Variants in FOXP1 observed in about 807,000 individuals in gnomAD.
FOXP1 encodes the protein forkhead box P1.
FOXP1 carries 15 observed loss-of-function variants against 98.2 expected under a neutral mutation model. That is an observed-to-expected ratio of 0.15 (90% CI 0.10 to 0.24). FOXP1 has a LOEUF of 0.24. FOXP1 is among the 10% of genes least tolerant of loss of function. The pLI, the probability that FOXP1 is intolerant of heterozygous loss-of-function variation, is 1.00. For missense variants in FOXP1, 633 were observed against 848.5 expected, an observed-to-expected ratio of 0.75 and a Z score of 3.15; for synonymous variants, 371 against 314.5, an observed-to-expected ratio of 1.18 and a Z score of -1.90.
intron 2 of FOXP1, among the ~76,000 whole-genome samples, chr3:71,576,148 T>C (rs2047702427): frequency 6.6e-6 from 1 of 152,212 alleles, no homozygotes; most frequent in African/African-American, 2.4e-5. Flanking sequence ...GCCTCTGATA[T>C]CTTCAAACTG....
At chr3:71,314,313 A>C (rs12496035) in intron 4 of FOXP1, among the ~76,000 whole-genome samples, 1 of 151,852 alleles carries the variant, frequency 6.6e-6, no homozygotes, top group Non-Finnish European at 1.5e-5. Flanking sequence ...GGCGGATCTC[A>C]AGGTCAGGAG....
intron 4 of FOXP1, among the ~76,000 whole-genome samples, chr3:71,350,588 G>C (rs1002570566): frequency 6.6e-6 from 1 of 152,160 alleles, no homozygotes; most frequent in Admixed American, 6.5e-5. Context: ...TAGACTCCTC[G>C]AGGACAGAGG....
At chr3:71,479,339 C>T (rs550651663) in intron 3 of FOXP1, among the ~76,000 whole-genome samples, 91 of 152,326 alleles carry the variant, frequency 6.0e-4, no homozygotes, top group African/African-American at 1.6e-3. Context: ...AGAACAGTCA[C>T]TGTTTCGTTT....
At chr3:71,331,698 A>C (rs2076325074) in intron 4 of FOXP1, among the ~76,000 whole-genome samples, 1 of 152,140 alleles carries the variant, frequency 6.6e-6, no homozygotes. Context: ...TTGTGACTGG[A>C]CCAATCGGCA....
intron 4 of FOXP1, among the ~76,000 whole-genome samples, chr3:71,350,347 T>G (rs1044498097): frequency 2.0e-5 from 3 of 152,172 alleles, no homozygotes; most frequent in South Asian, 2.1e-4. Context: ...ATTCCTGCTA[T>G]GAGGCCCTCC....
At chr3:71,131,639 T>A (rs1042804045) in intron 6 of FOXP1, among the ~76,000 whole-genome samples, 3 of 152,176 alleles carry the variant, frequency 2.0e-5, no homozygotes, top group African/African-American at 7.2e-5. Flanking sequence ...CTGGAATTCA[T>A]CTTCTTTTGA....
intron 2 of FOXP1, among the ~76,000 whole-genome samples, chr3:71,505,638 G>T (rs1487933606): frequency 1.3e-5 from 2 of 152,078 alleles, no homozygotes; most frequent in African/African-American, 2.4e-5. Context: ...TGTTAGCCAG[G>T]ATAGTCTCGA....
In FOXP1 at chr3:71,321,295, C is replaced by T. The variant is rs558848007; in HGVS notation, c.-72-21415G>A. ...AAAATCAAACTTCGCAGTTGGCCTT[C>T]AAAACAGTGTGGAAGAAAGAGTTGT... On this transcript the variant is annotated intron_variant, in intron 4 of 20. Transcript: ENST00000649528. 3.9e-5 allele frequency among the ~76,000 whole-genome samples: 6 copies of T among 152,240 alleles called. No homozygotes were observed. The South Asian group carries it at 1.2e-3, about 32-fold the overall frequency.
At chr3:71,049,154 A>G (rs1423759421) in intron 9 of FOXP1, among the ~76,000 whole-genome samples, 1 of 152,150 alleles carries the variant, frequency 6.6e-6, no homozygotes, top group Non-Finnish European at 1.5e-5. Context: ...CAGTGTTAAA[A>G]TGCTAAAATG....
intron 4 of FOXP1, among the ~76,000 whole-genome samples, chr3:71,324,942 C>A (rs970962058): frequency 6.6e-6 from 1 of 152,208 alleles, no homozygotes; most frequent in Admixed American, 6.5e-5. Flanking sequence ...GGGGGCACCC[C>A]AGCCATGACT....
intron 11 of FOXP1, chr3:71,040,458 T>C (rs562125270): frequency 6.6e-6 from 1 of 152,296 alleles, no homozygotes; most frequent in African/African-American, 2.4e-5. Flanking sequence ...TTTTCAATTT[T>C]AGGGGCATTG....
At chr3:71,384,376 T>A (rs1249301478) in intron 3 of FOXP1, among the ~76,000 whole-genome samples, 1 of 152,162 alleles carries the variant, frequency 6.6e-6, no homozygotes, top group Non-Finnish European at 1.5e-5. Flanking sequence ...TTTCTAACTC[T>A]GAGAGAAGAG....
chr3:71,214,138 C>A (rs2064727957), intron 5 of FOXP1, among the ~76,000 whole-genome samples: 1 of 152,222 alleles, frequency 6.6e-6, no homozygotes. Flanking sequence ...AGAGGCAAGT[C>A]CAGCTCTGGC....
At chr3:71,303,361 G>A (rs1218245044) in intron 4 of FOXP1, among the ~76,000 whole-genome samples, 2 of 152,062 alleles carry the variant, frequency 1.3e-5, no homozygotes, top group Non-Finnish European at 2.9e-5. Flanking sequence ...TGGTGATGGG[G>A]GGCAGTTCAG....
chr3:71,496,921 A>C (rs1195194413), intron 2 of FOXP1, among the ~76,000 whole-genome samples: 1 of 151,882 alleles, frequency 6.6e-6, no homozygotes, highest in East Asian at 1.9e-4. Flanking sequence ...AACCAGGCAT[A>C]TCTAAAAATA....
At chr3:71,067,051 G>A (rs1304329256) in intron 7 of FOXP1, among the ~76,000 whole-genome samples, 2 of 152,178 alleles carry the variant, frequency 1.3e-5, no homozygotes, top group Non-Finnish European at 2.9e-5. Context: ...CTAGGAGGAG[G>A]GGTCTGGGAA....
At chr3:71,310,912 G>C (rs2074636429) in intron 4 of FOXP1, among the ~76,000 whole-genome samples, 1 of 152,206 alleles carries the variant, frequency 6.6e-6, no homozygotes, top group South Asian at 2.1e-4. Context: ...TCTGGCTCTT[G>C]GCGGTTCCCA....
chr3:70,995,991 TATTA>T lies in FOXP1; in HGVS notation c.1062+4977_1062+4980del, dbSNP rs1217484885. Among the ~76,000 whole-genome samples the T allele has an allele frequency of 3.3e-5, 5 of 152,324 alleles. No homozygotes were observed. In the East Asian group the frequency reaches 9.7e-4, roughly 29 times the overall value. ...ATCAAGTCATATTTTATTTTATGAT[TATTA>T]ATTTTCTTGAGATGGAGTTTTGCTC... On this transcript the variant is annotated intron_variant, in intron 13 of 20. Transcript: ENST00000649528.
intron 4 of FOXP1, among the ~76,000 whole-genome samples, chr3:71,339,494 A>G (rs1364711023): frequency 6.6e-6 from 1 of 152,224 alleles, no homozygotes; most frequent in Non-Finnish European, 1.5e-5. Flanking sequence ...GTAACTCTTC[A>G]GCGTATCAGT....
Sources: gnomAD v4.1 joint callset for allele counts (sites outside exome capture counted in the v4.1 genomes callset) on GRCh38, gnomAD v4.1.1 for gene constraint, MANE v1.5 for transcripts, NCBI Gene and HGNC (gene_info 2026-07-23, HGNC 2026-07-21) for gene names.